Variants in CADM2 observed in about 807,000 individuals in gnomAD.
The protein encoded by CADM2 is immunoglobulin superfamily member 4D.
Under a neutral mutation model 49.8 loss-of-function variants are expected in CADM2, and 12 were observed. The ratio of observed to expected loss-of-function variants is 0.24; its 90% CI spans 0.15 to 0.39. CADM2 has a LOEUF of 0.39. CADM2 is among the 10% of genes least tolerant of loss of function. The pLI is 1.00. For missense variants in CADM2, 378 were observed against 492.3 expected, an observed-to-expected ratio of 0.77 and a Z score of 2.20; for synonymous variants, 214 against 175.4, an observed-to-expected ratio of 1.22 and a Z score of -1.74.
chr3:85,044,297 G>T (rs544364018), intron 1 of CADM2, among the ~76,000 whole-genome samples: 24 of 134,456 alleles, frequency 1.8e-4, no homozygotes, highest in Middle Eastern at 3.7e-3. Context: ...AGTAGTAAAA[G>T]AAATTAATCC....
intron 1 of CADM2, among the ~76,000 whole-genome samples, chr3:85,663,612 A>ATGGAC: frequency 6.6e-6 from 1 of 152,004 alleles, no homozygotes; most frequent in African/African-American, 2.4e-5. Flanking sequence ...TCAATTTTGT[A>ATGGAC]TGGACCCCAC....
intron 8 of CADM2, among the ~76,000 whole-genome samples, chr3:86,040,353 G>A (rs957005015): frequency 6.6e-6 from 1 of 152,156 alleles, no homozygotes; most frequent in East Asian, 1.9e-4. Flanking sequence ...TAGATGAATG[G>A]CTAACTAGAA....
At chr3:85,077,220 G>A (rs1215697675) in intron 1 of CADM2, among the ~76,000 whole-genome samples, 1 of 152,080 alleles carries the variant, frequency 6.6e-6, no homozygotes, top group African/African-American at 2.4e-5. Context: ...CCTGTGTTTA[G>A]TGAATACTAG....
At chr3:85,157,037 C>A (rs887417711) in intron 1 of CADM2, among the ~76,000 whole-genome samples, 82 of 152,210 alleles carry the variant, frequency 5.4e-4, no homozygotes, top group African/African-American at 2.0e-3. Context: ...CATTCTTATA[C>A]ACCAACAACA....
intron 1 of CADM2, among the ~76,000 whole-genome samples, chr3:85,183,404 A>C (rs937484789): frequency 2.0e-5 from 3 of 152,146 alleles, no homozygotes; most frequent in African/African-American, 7.2e-5. Context: ...AAAGATAATA[A>C]ATTTAACACA....
At chr3:85,305,143 A>G (rs1436219402) in intron 1 of CADM2, among the ~76,000 whole-genome samples, 1 of 151,560 alleles carries the variant, frequency 6.6e-6, no homozygotes, top group East Asian at 1.9e-4. Context: ...TAAAAAATGA[A>G]TTTTTTATAA....
intron 7 of CADM2, among the ~76,000 whole-genome samples, chr3:85,940,587 C>G (rs982985594): frequency 7.2e-5 from 11 of 151,858 alleles, no homozygotes; most frequent in Non-Finnish European, 1.6e-4. Context: ...ATTATTTGGC[C>G]TAATATATAG....
At chr3:85,632,920 A>C (rs954970166) in intron 1 of CADM2, among the ~76,000 whole-genome samples, 1 of 152,102 alleles carries the variant, frequency 6.6e-6, no homozygotes, top group African/African-American at 2.4e-5. Context: ...TTAACAGAAT[A>C]GATTTTATCT....
At chr3:86,059,275 A>G (rs1032759296) in intron 8 of CADM2, among the ~76,000 whole-genome samples, 1 of 152,256 alleles carries the variant, frequency 6.6e-6, no homozygotes, top group East Asian at 1.9e-4. Flanking sequence ...GATTTCAGAG[A>G]TAGAATTACA....
At chr3:85,568,193 C>T (rs890135515) in intron 1 of CADM2, among the ~76,000 whole-genome samples, 6 of 152,150 alleles carry the variant, frequency 3.9e-5, no homozygotes, top group East Asian at 1.9e-4. Context: ...GCAGAACCTG[C>T]GTTCTTAGAG....
At chr3:85,807,088 G>C (rs988128165) in intron 3 of CADM2, among the ~76,000 whole-genome samples, 1 of 152,124 alleles carries the variant, frequency 6.6e-6, no homozygotes, top group Admixed American at 6.6e-5. Context: ...GAAAGCAATG[G>C]CATTTGGACG....
intron 1 of CADM2, among the ~76,000 whole-genome samples, chr3:85,071,548 CCTTGAGAA>C (rs1408059654): frequency 6.6e-6 from 1 of 152,054 alleles, no homozygotes; most frequent in East Asian, 1.9e-4. Flanking sequence ...AAAAATACAA[CCTTGAGAA>C]TTCATTTATT....
At chr3:85,104,483 T>C (rs2038135140) in intron 1 of CADM2, among the ~76,000 whole-genome samples, 1 of 152,166 alleles carries the variant, frequency 6.6e-6, no homozygotes, top group East Asian at 1.9e-4. Flanking sequence ...GCTTGTAGTA[T>C]AGTTTGAAGT....
At chr3:85,745,107 A>G (rs1306575627) in intron 2 of CADM2, among the ~76,000 whole-genome samples, 4 of 152,136 alleles carry the variant, frequency 2.6e-5, no homozygotes, top group African/African-American at 4.8e-5. Context: ...CAGAGAAAGG[A>G]AAGAGTCAAG....
chr3:85,575,202 C>G (rs1232425397), intron 1 of CADM2, among the ~76,000 whole-genome samples: 3 of 152,100 alleles, frequency 2.0e-5, no homozygotes, highest in African/African-American at 7.2e-5. Context: ...TTTGCTTACT[C>G]TATTTTCAAT....
intron 8 of CADM2, chr3:85,979,022 A>C: frequency 1.2e-6 from 1 of 822,054 alleles, no homozygotes. Context: ...GAATTGTGTG[A>C]CACAGTTTTG....
chr3:85,322,620 G>C lies in CADM2; in HGVS notation c.61+362952G>C, dbSNP rs181534281. 1.1e-4 allele frequency among the ~76,000 whole-genome samples: 17 copies of C among 152,218 alleles called. No individual in the cohort carries two copies. In the East Asian group the frequency reaches 3.1e-3, roughly 28 times the overall value. ...AAATAAATAAATATGCAAAACCAAT[G>C]GAGAAAAATAGTAAATTGATTTCTG... is the stretch of plus-strand genomic sequence containing the variant. On this transcript the variant is annotated intron_variant, in intron 1 of 9. Transcript: ENST00000383699.
intron 2 of CADM2, among the ~76,000 whole-genome samples, chr3:85,792,180 A>C (rs902121297): frequency 6.6e-6 from 1 of 152,236 alleles, no homozygotes; most frequent in Admixed American, 6.5e-5. Flanking sequence ...TTTTAAAAAC[A>C]ACCAAAACAT....
chr3:85,973,132 A>T (rs1726348274), intron 8 of CADM2, among the ~76,000 whole-genome samples: 1 of 151,714 alleles, frequency 6.6e-6, no homozygotes, highest in African/African-American at 2.4e-5. Flanking sequence ...AGCTTCTGTT[A>T]CTGATTCATA....
Sources: gnomAD v4.1 joint callset for allele counts (sites outside exome capture counted in the v4.1 genomes callset) on GRCh38, gnomAD v4.1.1 for gene constraint, MANE v1.5 for transcripts, NCBI Gene and HGNC (gene_info 2026-07-23, HGNC 2026-07-21) for gene names.